Variants in EPN2 observed in about 807,000 individuals in gnomAD.
The protein encoded by EPN2 is epsin-2.
Under a neutral mutation model 61.7 loss-of-function variants are expected in EPN2, and 34 were observed. The observed-to-expected ratio is 0.55, with a 90% CI of 0.42 to 0.73. EPN2 has a LOEUF of 0.73. EPN2 is among the 30% of genes least tolerant of loss of function. EPN2 has a pLI of 0.00. For missense variants in EPN2, 714 were observed against 839.2 expected (o/e 0.85, Z 1.84); for synonymous variants, 349 against 353.6 (o/e 0.99, Z 0.15).
In EPN2 at chr17:19,336,153, TC is replaced by T. The variant is rs1205426771; in HGVS notation, c.*1901del. ...CAGTCCCAGGAGCCGTGTCTAGAGTTCCTGACCAGCCACCTTCTGCCAGAAC... is the reference window on the plus strand; with the variant it reads ...CAGTCCCAGGAGCCGTGTCTAGAGTTCTGACCAGCCACCTTCTGCCAGAAC... On this transcript the variant is annotated 3_prime_UTR_variant, in exon 11 of 11. Coordinates refer to ENST00000314728, the MANE Select transcript of EPN2 (RefSeq NM_014964.5). 1.3e-5 allele frequency: 2 copies of T among 152,278 alleles called. No homozygotes were observed. The highest frequency in any genetic ancestry group is 4.8e-5 in the African/African-American group (2 of 41,452). 9.4% of individuals were successfully genotyped at this position (152,278 alleles called of 1,614,324 possible).
At position 19,282,635 on chromosome 17, in the gene EPN2, T is replaced by G. The variant is rs555371784; in HGVS notation, c.-170-315T>G. ...ATCTGCCAAGATCAGCTTCCCCCAG[T>G]GTTTCCGATTCTTCCACAGCTGGCT... On this transcript the variant is annotated intron_variant, in intron 2 of 10. Coordinates refer to ENST00000314728, the MANE Select transcript of EPN2 (RefSeq NM_014964.5). 1.0e-3 allele frequency: 160 copies of G among 154,206 alleles called. 1 individual carries two copies. The highest frequency in any genetic ancestry group is 2.1e-3 in the Non-Finnish European group (148 of 69,418). The allele number at this position is 154,206 out of a possible 1,614,324, so 9.6% of individuals were successfully genotyped here.
rs556228833 is a variant in EPN2 at position 19,334,231 on chromosome 17, A to G, written c.1903A>G (p.Thr635Ala). 5.3e-5 allele frequency: 79 copies of G among 1,487,284 alleles called. No individual in the cohort carries two copies. The highest frequency in any genetic ancestry group is 6.7e-5 in the Non-Finnish European group (74 of 1,107,304). The allele number at this position is 1,487,284 out of a possible 1,614,324, so 92.1% of individuals were successfully genotyped here. Residue 635 changes from threonine to alanine, a missense_variant, in exon 11 of 11, where the codon ACA (threonine) becomes GCA (alanine). Physicochemically the swap from Thr to Ala is moderately conservative, Grantham distance 58. Around this residue, in one of 2 missense-constraint regions of EPN2, gnomAD observed 410 missense variants for 421.8 expected, o/e 0.97. Transcript: ENST00000314728. This position sits in a 1 kb window ranked among gnomAD's most constrained non-coding sequence, Gnocchi z 4.9. Reference sequence around the variant, plus strand: ...CCCATCAGCAGCCCAGGCCACTGGCACAACCAACCCTTTCCTTCTCTAGTG... The same window carrying G: ...CCCATCAGCAGCCCAGGCCACTGGCGCAACCAACCCTTTCCTTCTCTAGTG... ...IPPSAAQATG[T>A]TNPFLL
intron 7 of EPN2, among the ~76,000 whole-genome samples, chr17:19,321,922 T>TA (rs1413595927): frequency 2.6e-5 from 4 of 152,148 alleles, no homozygotes; most frequent in Non-Finnish European, 5.9e-5. Flanking sequence ...CCATGCCACT[T>TA]ACGTCCAGCT....
chr17:19,311,898 TG>T (rs1567864342), intron 5 of EPN2, among the ~76,000 whole-genome samples, 153 bp from the exon 6 acceptor site: 1 of 152,218 alleles, frequency 6.6e-6, no homozygotes, highest in African/African-American at 2.4e-5. Flanking sequence ...CACACACATT[TG>T]GGATTTGAAA....
At chr17:19,308,685 C>G in intron 4 of EPN2, 15 of 985,304 alleles carry the variant, frequency 1.5e-5, no homozygotes, top group Non-Finnish European at 1.8e-5. Context: ...AAAGCAGTAG[C>G]TCCAAATCTC....
intron 4 of EPN2, among the ~76,000 whole-genome samples, chr17:19,289,178 G>A (rs912493293): frequency 9.3e-5 from 13 of 139,332 alleles, no homozygotes; most frequent in Non-Finnish European, 9.0e-5. Context: ...TCTGCCTCCC[G>A]GGTTCACGCC....
At chr17:19,240,870 A>G (rs1226153567) in intron 1 of EPN2, among the ~76,000 whole-genome samples, 1 of 152,150 alleles carries the variant, frequency 6.6e-6, no homozygotes, top group African/African-American at 2.4e-5. Context: ...GATGCTCAGT[A>G]AAGGTTTGTC....
At chr17:19,310,571 C>CTTTTTTT (rs71155391) in intron 5 of EPN2, among the ~76,000 whole-genome samples, 894 of 80,900 alleles carry the variant, frequency 0.011, 29 homozygotes, top group African/African-American at 0.018. Flanking sequence ...CTCCTTCTTT[C>CTTTTTTT]TTTTTTTTTT....
At chr17:19,239,982 CT>C (rs11407047) in intron 1 of EPN2, among the ~76,000 whole-genome samples, 5,471 of 144,100 alleles carry the variant, frequency 0.038, 341 homozygotes, top group South Asian at 0.2. Flanking sequence ...AGTTTTCGGA[CT>C]TTTTTTTTTT....
chr17:19,254,455 C>A (rs1018448422), intron 1 of EPN2, among the ~76,000 whole-genome samples: 6 of 152,076 alleles, frequency 3.9e-5, no homozygotes, highest in Non-Finnish European at 7.4e-5. Context: ...GCAGGAGAAT[C>A]CCTCGAACCC....
intron 1 of EPN2, among the ~76,000 whole-genome samples, chr17:19,270,458 G>A (rs937524084): frequency 6.6e-6 from 1 of 152,272 alleles, no homozygotes; most frequent in Non-Finnish European, 1.5e-5. Flanking sequence ...TGTTCTCATA[G>A]GGATGCCTCT....
chr17:19,256,083 G>A (rs2045074537), intron 1 of EPN2, among the ~76,000 whole-genome samples: 1 of 151,912 alleles, frequency 6.6e-6, no homozygotes, highest in Non-Finnish European at 1.5e-5. Flanking sequence ...GACTACAGGT[G>A]CCCGCCACCA....
intron 4 of EPN2, among the ~76,000 whole-genome samples, chr17:19,289,724 GTTTTT>G (rs58087532): frequency 0.061 from 4,764 of 78,110 alleles, 444 homozygotes; most frequent in African/African-American, 0.2. Flanking sequence ...GGCGCTCATG[GTTTTT>G]TTTTTTTTTT....
chr17:19,297,715 G>A (rs2045534379), intron 4 of EPN2, among the ~76,000 whole-genome samples: 1 of 152,160 alleles, frequency 6.6e-6, no homozygotes, highest in African/African-American at 2.4e-5. Flanking sequence ...AGCCACTGGG[G>A]GGCCTAAACT....
intron 7 of EPN2, among the ~76,000 whole-genome samples, chr17:19,317,592 AC>A (rs1380496429): frequency 5.9e-5 from 9 of 152,204 alleles, no homozygotes; most frequent in African/African-American, 2.2e-4. Context: ...GTGGGAGGCG[AC>A]CGGGACACAG....
At chr17:19,287,546 G>A (rs1180085956) in intron 4 of EPN2, among the ~76,000 whole-genome samples, 1 of 152,122 alleles carries the variant, frequency 6.6e-6, no homozygotes, top group Non-Finnish European at 1.5e-5. Context: ...CTTCACAAAG[G>A]GTTGAGTATA....
At chr17:19,240,729 A>T (rs560434953) in intron 1 of EPN2, among the ~76,000 whole-genome samples, 1 of 152,200 alleles carries the variant, frequency 6.6e-6, no homozygotes, top group East Asian at 1.9e-4. Flanking sequence ...TCACCAACCC[A>T]CACAGTCTGC....
In EPN2 at chr17:19,331,839, T is replaced by C. The variant is rs770438522; in HGVS notation, c.1412-14T>C. The C allele has an allele frequency of 1.2e-6, 2 of 1,611,582 alleles. No individual in the cohort carries two copies. Among genetic ancestry groups the C allele is most frequent in the African/African-American group, 1.3e-5 (1 of 74,852 alleles). On this transcript the variant is annotated splice_polypyrimidine_tract_variant and intron_variant, in intron 9 of 10. Transcript: ENST00000314728. ...TGCCACACTCACCCTGCCATATGTG[T>C]CCTTGTCTTGTAGCCGAATCTGTGA...
intron 4 of EPN2, among the ~76,000 whole-genome samples, chr17:19,292,358 A>G (rs1350523325): frequency 1.3e-5 from 2 of 152,246 alleles, no homozygotes; most frequent in East Asian, 1.9e-4. Flanking sequence ...GGGCCCTTCC[A>G]TTGGGTTTTG....
Sources: allele counts gnomAD v4.1 joint callset (sites outside exome capture counted in the v4.1 genomes callset), GRCh38; gene constraint gnomAD v4.1.1; regional missense constraint gnomAD v4.1.1; non-coding constraint Gnocchi (gnomAD v3.1); transcripts MANE v1.5; gene names NCBI Gene and HGNC (gene_info 2026-07-23, HGNC 2026-07-21).